ASB5: variants seen among roughly 807,000 people sequenced by gnomAD.
ASB5 encodes ankyrin repeat and SOCS box protein 5.
In ASB5, 45 loss-of-function variants were observed where a neutral mutation model predicts 42.1. That is an observed-to-expected ratio of 1.07 (90% confidence interval 0.84 to 1.37). ASB5 has a LOEUF of 1.37. Ranked by LOEUF, ASB5 falls within the 40% of genes most tolerant of loss-of-function variation. The pLI is 0.00. For synonymous variants in ASB5, 147 were observed against 150.6 expected (o/e 0.98, Z 0.18); for missense variants, 402 against 399.8 (o/e 1.01, Z -0.05).
At chr4:176,252,090 A>G (rs1754051870) in intron 1 of ASB5, among the ~76,000 whole-genome samples, 2 of 151,412 alleles carry the variant, frequency 1.3e-5, no homozygotes, top group South Asian at 2.1e-4. Flanking sequence ...AAAAGAAAAA[A>G]AAAAAAAGAA....
upstream of ASB5, among the ~76,000 whole-genome samples, chr4:176,271,299 A>G (rs1754465042): frequency 6.6e-6 from 1 of 152,302 alleles, no homozygotes; most frequent in South Asian, 2.1e-4. Context: ...CTTCAAGTGG[A>G]AATTAGATGC....
At chr4:176,272,934 C>T (rs896200021), upstream of ASB5, among the ~76,000 whole-genome samples, 9 of 142,730 alleles carry the variant, frequency 6.3e-5, no homozygotes, top group Admixed American at 6.7e-4. Context: ...GACCCACCTT[C>T]GATGACCTTT....
At chr4:176,276,151 A>C (rs998556179) in intron 1 of ASB5, among the ~76,000 whole-genome samples, 10 of 152,204 alleles carry the variant, frequency 6.6e-5, no homozygotes, top group African/African-American at 2.2e-4. Flanking sequence ...CCATGATAAA[A>C]GTATCTACTT....
At position 176,225,254 on chromosome 4, in the gene ASB5, T is replaced by TA; in HGVS notation, c.276+7dup. The TA allele has an allele frequency of 6.3e-7, 1 of 1,599,944 alleles. No individual in the cohort carries two copies. The highest frequency in any genetic ancestry group is 1.7e-4 in the Middle Eastern group (1 of 6,032). On this transcript the variant is annotated splice_region_variant and intron_variant, in intron 2 of 6. Coordinates refer to ENST00000296525, the MANE Select transcript of ASB5 (RefSeq NM_080874.4). ...GGGGTATATTTTAAACTATATGTAA[T>TA]ATATTACCTGTGATAATAATGTTCT... is the stretch of plus-strand genomic sequence containing the variant.
intron 1 of ASB5, among the ~76,000 whole-genome samples, 154 bp downstream of exon 1, chr4:176,268,759 T>C (rs990479419): frequency 3.3e-5 from 5 of 152,178 alleles, no homozygotes; most frequent in Non-Finnish European, 7.3e-5. Context: ...GTAATTTTCC[T>C]TTTTATAAAG....
At chr4:176,217,437 T>G (rs1029145130) in intron 5 of ASB5, among the ~76,000 whole-genome samples, 3 of 152,168 alleles carry the variant, frequency 2.0e-5, no homozygotes, top group Non-Finnish European at 4.4e-5. Flanking sequence ...ATTTCTATTA[T>G]TCTTTTCATT....
chr4:176,255,150 CA>C lies in ASB5; in HGVS notation c.196+13762del, dbSNP rs367899360. ...ATCTTCAAAGAAACAAACAAACAAA[CA>C]AAAAACCACAATGAGATACCATCTC... is the stretch of plus-strand genomic sequence containing the variant. On this transcript the variant is annotated intron_variant, in intron 1 of 6. Coordinates refer to ENST00000296525, the MANE Select transcript of ASB5 (RefSeq NM_080874.4). Among the ~76,000 whole-genome samples the C allele has an allele frequency of 2.3e-4, 35 of 152,052 alleles. No individual in the cohort carries two copies. In the East Asian group the frequency reaches 6.6e-3, roughly 29 times the overall value.
At chr4:176,241,898 GTGTC>G (rs1293154308) in intron 1 of ASB5, among the ~76,000 whole-genome samples, 1 of 152,048 alleles carries the variant, frequency 6.6e-6, no homozygotes, top group Non-Finnish European at 1.5e-5. Context: ...AATCATGAAC[GTGTC>G]TGTCTATCAC....
intron 1 of ASB5, among the ~76,000 whole-genome samples, chr4:176,230,982 T>C (rs1753526684): frequency 6.6e-6 from 1 of 152,220 alleles, no homozygotes; most frequent in Non-Finnish European, 1.5e-5. Context: ...TTCCTAGTTA[T>C]TCTCTCTCTG....
At chr4:176,261,431 A>C (rs749355185) in intron 1 of ASB5, among the ~76,000 whole-genome samples, 27 of 152,290 alleles carry the variant, frequency 1.8e-4, no homozygotes, top group Admixed American at 7.9e-4. Flanking sequence ...TTTTAGATAT[A>C]TGCTTCGAAA....
chr4:176,215,631 G>C lies in ASB5; in HGVS notation c.959C>G (p.Thr320Arg). ...LHLIPQLQLP[T>R]LLKNFLQYR Reference sequence around the variant, plus strand: ...ATACTGTAAGAAATTCTTCAGTAACGTTGGCAGCTGGAGTTGTGGGATAAG... The same window carrying C: ...ATACTGTAAGAAATTCTTCAGTAACCTTGGCAGCTGGAGTTGTGGGATAAG... The change falls in exon 7 of 7, where the codon ACG (threonine) becomes AGG (arginine). Residue 320 changes from threonine to arginine, a missense_variant. By Grantham distance (71) the Thr-to-Arg change is moderately conservative. Coordinates refer to ENST00000296525, the MANE Select transcript of ASB5 (RefSeq NM_080874.4). The C allele has an allele frequency of 1.2e-6, 2 of 1,612,700 alleles. No homozygotes were observed. The highest frequency in any genetic ancestry group is 1.7e-6 in the Non-Finnish European group (2 of 1,179,200).
intron 1 of ASB5, among the ~76,000 whole-genome samples, chr4:176,266,239 G>A (rs961261539): frequency 3.9e-5 from 6 of 152,076 alleles, no homozygotes; most frequent in African/African-American, 7.2e-5. Flanking sequence ...CAGGGTCTTC[G>A]GTGATTATGA....
intron 1 of ASB5, among the ~76,000 whole-genome samples, chr4:176,245,745 C>T (rs4414904): frequency 0.91 from 138,606 of 152,196 alleles, 63,312 homozygotes; most frequent in Non-Finnish European, 0.93. Flanking sequence ...ATGTCCTTTG[C>T]AGCGACATGG....
chr4:176,245,503 T>C (rs1405104514), intron 1 of ASB5, among the ~76,000 whole-genome samples: 2 of 152,124 alleles, frequency 1.3e-5, no homozygotes, highest in East Asian at 3.9e-4. Context: ...TCCTCAAGGA[T>C]CTAGAACTAG....
intron 1 of ASB5, among the ~76,000 whole-genome samples, chr4:176,234,747 G>A (rs1753642048): frequency 6.6e-6 from 1 of 152,148 alleles, no homozygotes; most frequent in Admixed American, 6.5e-5. Context: ...GTGAAAGGAG[G>A]CATATCCGAA....
intron 1 of ASB5, among the ~76,000 whole-genome samples, chr4:176,254,716 A>G (rs1754118956): frequency 6.6e-6 from 1 of 152,200 alleles, no homozygotes; most frequent in South Asian, 2.1e-4. Flanking sequence ...AAAAACAAAT[A>G]ACCTCATTAG....
Position 176,221,222 on chromosome 4 carries a change from C to CA in ASB5, c.602dup (p.Leu201PhefsTer26), listed in dbSNP as rs1753194822. On this transcript the variant is annotated frameshift_variant, in exon 5 of 7. Transcript: ENST00000296525. LOFTEE classifies it high-confidence loss of function. Reference sequence around the variant, plus strand: ...TACAAGCTACATAGAGAGGAGTTCCCAAATGAGGAATTTCTTGGTCAACAT... The same window carrying CA: ...TACAAGCTACATAGAGAGGAGTTCCCAAAATGAGGAATTTCTTGGTCAACAT... 2 of 1,613,952 alleles carry CA rather than the reference C, an allele frequency of 1.2e-6. No homozygotes were observed. The highest frequency in any genetic ancestry group is 4.5e-5 in the East Asian group (2 of 44,894).
intron 1 of ASB5, among the ~76,000 whole-genome samples, chr4:176,236,043 C>A (rs77320409): frequency 0.084 from 12,740 of 150,854 alleles, 563 homozygotes; most frequent in Middle Eastern, 0.12. Context: ...TAAGGCATGT[C>A]GAAAAAAAAT....
intron 1 of ASB5, among the ~76,000 whole-genome samples, chr4:176,259,607 C>G (rs1754219307): frequency 6.6e-6 from 1 of 152,152 alleles, no homozygotes; most frequent in South Asian, 2.1e-4. Context: ...ACTTTGACAG[C>G]CTTACCTGAT....
Sources: gnomAD v4.1 joint callset for allele counts (sites outside exome capture counted in the v4.1 genomes callset) on GRCh38, gnomAD v4.1.1 for gene constraint, MANE v1.5 for transcripts, NCBI Gene and HGNC (gene_info 2026-07-23, HGNC 2026-07-21) for gene names.